Variants in CCND2 observed in about 807,000 individuals in gnomAD.
CCND2 encodes G1/S-specific cyclin-D2.
Under a neutral mutation model 30.2 loss-of-function variants are expected in CCND2, and 6 were observed. The observed-to-expected ratio is 0.20, with a 90% CI of 0.11 to 0.39. CCND2 has a LOEUF of 0.39. Among genes scored for constraint, CCND2 ranks in the 10% least tolerant of loss-of-function variants. The probability of loss-of-function intolerance (pLI) is 1.00; values close to 1 mark genes in which losing one functional copy is unlikely to be tolerated. For missense variants in CCND2, 235 were observed against 373.4 expected (o/e 0.63, Z 3.06); for synonymous variants, 150 against 153.1 (o/e 0.98, Z 0.15).
At position 4,303,486 on chromosome 12, in the gene CCND2, T is replaced by C. The variant is rs1864278391; in HGVS notation, c.*3477T>C. On this transcript the variant is annotated 3_prime_UTR_variant, in exon 5 of 5. Coordinates refer to ENST00000261254, the MANE Select transcript of CCND2 (RefSeq NM_001759.4). This position sits in a 1 kb window ranked among gnomAD's most constrained non-coding sequence, Gnocchi z 4.6. ...ATTATCCTGGTCTTTTTCTACCTTGTTGTGTTTCTATCTCGTCTTTACTTC... is the reference window on the plus strand; with the variant it reads ...ATTATCCTGGTCTTTTTCTACCTTGCTGTGTTTCTATCTCGTCTTTACTTC... The C allele has an allele frequency of 4.3e-6, 1 of 233,716 alleles. No individual in the cohort carries two copies. Among genetic ancestry groups the C allele is most frequent in the Non-Finnish European group, 8.5e-6 (1 of 118,058 alleles). The allele number at this position is 233,716 out of a possible 1,614,324, so 14.5% of individuals were successfully genotyped here.
chr12:4,282,838 G>T lies in CCND2; in HGVS notation c.571+3919G>T, dbSNP rs528540154. Reference sequence around the variant, plus strand: ...AGGGTATGCTGGTCCTCTTATGGGGGTGGCAGATGAGGTGCGTGCCCAGTG... The same window carrying T: ...AGGGTATGCTGGTCCTCTTATGGGGTTGGCAGATGAGGTGCGTGCCCAGTG... On this transcript the variant is annotated intron_variant, in intron 3 of 4. Coordinates refer to ENST00000261254, the MANE Select transcript of CCND2 (RefSeq NM_001759.4). The surrounding 1 kb of genome is among the most constrained non-coding windows in gnomAD (Gnocchi z 4.3). Among the ~76,000 whole-genome samples the T allele has an allele frequency of 6.6e-6, 1 of 152,362 alleles. No homozygotes were observed. The highest frequency in any genetic ancestry group is 1.9e-4 in the East Asian group (1 of 5,190).
chr12:4,291,207 C>CTG lies in CCND2; in HGVS notation c.720+2243_720+2244dup, dbSNP rs1320194012. Among the ~76,000 whole-genome samples, 358 of 138,814 alleles carry CTG rather than the reference C, an allele frequency of 2.6e-3. 3 individuals are homozygous for CTG. Among genetic ancestry groups the CTG allele is most frequent in the African/African-American group, 8.2e-3 (311 of 37,910 alleles). The allele number at this position is 138,814 out of a possible 152,430, so 91.1% of individuals were successfully genotyped here. A position where few individuals can be genotyped will look rare whatever the true frequency, so the allele number is the denominator to read the frequency against. ...AAGGTTCAAGCAGCTCTGGGCTAGG[C>CTG]TGTGTGTGTGTGTGTGTGTGTGTGT... On this transcript the variant is annotated intron_variant, in intron 4 of 4. Transcript: ENST00000261254.
At chr12:4,279,047 T>C (rs935263331) in intron 3 of CCND2, 128 bp downstream of exon 3, 5 of 853,002 alleles carry the variant, frequency 5.9e-6, no homozygotes, top group Non-Finnish European at 8.7e-6. Flanking sequence ...TCTTGAGTAG[T>C]CTAAAGTCTG....
chr12:4,278,287 T>C (rs1774620100), intron 2 of CCND2, among the ~76,000 whole-genome samples: 1 of 152,228 alleles, frequency 6.6e-6, no homozygotes, highest in South Asian at 2.1e-4. Flanking sequence ...CAAGGAACCT[T>C]ATTTTGAGCT....
chr12:4,279,050 A>G (rs1481589286), intron 3 of CCND2, 131 bp downstream of exon 3: 3 of 826,672 alleles, frequency 3.6e-6, no homozygotes, highest in Non-Finnish European at 5.4e-6. Context: ...TGAGTAGTCT[A>G]AAGTCTGAAG....
rs1051734804 is a variant in CCND2, at chr12:4,285,335, C to T, written c.572-3507C>T. On this transcript the variant is annotated intron_variant, in intron 3 of 4. Coordinates refer to ENST00000261254, the MANE Select transcript of CCND2 (RefSeq NM_001759.4). The surrounding 1 kb of genome is among the most constrained non-coding windows in gnomAD (Gnocchi z 4.1). ...TCTCCAGGTGGGCAATTAACGATGG[C>T]GAGGGCACACCCTCACCCCTGAGCG... The T allele has an allele frequency of 8.1e-6, 8 of 984,928 alleles. No homozygotes were observed. Among genetic ancestry groups the T allele is most frequent in the African/African-American group, 5.2e-5 (3 of 57,198 alleles). The allele number at this position is 984,928 out of a possible 1,614,324, so 61.0% of individuals were successfully genotyped here.
rs1229195329 is a variant in CCND2, at chr12:4,300,491, T to C, written c.*482T>C. On this transcript the variant is annotated 3_prime_UTR_variant, in exon 5 of 5. Coordinates refer to ENST00000261254, the MANE Select transcript of CCND2 (RefSeq NM_001759.4). ...GGAATTGAAATAAGGAGGGACATGA[T>C]GGGGAAGGAGTACAAAACAATCTCT... The C allele has an allele frequency of 2.1e-5, 5 of 236,412 alleles. No homozygotes were observed. In the East Asian group the frequency reaches 3.0e-4, roughly 14 times the overall value. The allele number at this position is 236,412 out of a possible 1,614,324, so 14.6% of individuals were successfully genotyped here.
In CCND2 at chr12:4,301,080, G is replaced by A. The variant is rs1169732238; in HGVS notation, c.*1071G>A. The A allele has an allele frequency of 1.3e-5, 3 of 233,344 alleles. No individual in the cohort carries two copies. The highest frequency in any genetic ancestry group is 1.1e-4 in the Admixed American group (2 of 17,752). 14.5% of individuals were successfully genotyped at this position (233,344 alleles called of 1,614,324 possible). On this transcript the variant is annotated 3_prime_UTR_variant, in exon 5 of 5. Transcript: ENST00000261254. ...TTTGCCCCCTCCCTTCCTGCCCCCA[G>A]TCTGGGTTACTCTTCGCTTCTGGTA...
intron 3 of CCND2, among the ~76,000 whole-genome samples, chr12:4,280,538 G>C (rs1019132910): frequency 2.0e-5 from 3 of 152,174 alleles, no homozygotes. Context: ...TAGGACCCCT[G>C]TGGACCCCTG....
chr12:4,280,192 C>T (rs879055851), intron 3 of CCND2, among the ~76,000 whole-genome samples: 1 of 152,268 alleles, frequency 6.6e-6, no homozygotes, highest in Admixed American at 6.5e-5. Context: ...GCTTTGTAAA[C>T]CGAAGTGTAG....
chr12:4,273,832 C>T lies in CCND2; in HGVS notation c.-209C>T. The stretch of plus-strand genomic sequence containing the variant: ...GGAGGACCGGTGCGAGTGAGGCAGC[C>T]CCGAGGCTCTGCTCGCCCACCACCC... On this transcript the variant is annotated 5_prime_UTR_variant, in exon 1 of 5. Transcript: ENST00000261254. The surrounding 1 kb of genome is among the most constrained non-coding windows in gnomAD (Gnocchi z 5.9). 1 of 602,964 alleles carries T rather than the reference C, an allele frequency of 1.7e-6. No homozygotes were observed. Among genetic ancestry groups the T allele is most frequent in the Non-Finnish European group, 2.9e-6 (1 of 340,726 alleles). The allele number at this position is 602,964 out of a possible 1,614,324, so 37.4% of individuals were successfully genotyped here.
chr12:4,288,505 C>G (rs1226944698), intron 3 of CCND2, among the ~76,000 whole-genome samples: 1 of 152,132 alleles, frequency 6.6e-6, no homozygotes, highest in Non-Finnish European at 1.5e-5. Context: ...ACCTTGCTCC[C>G]CCCACCAGGG....
chr12:4,299,823 C>A lies in CCND2; in HGVS notation c.721-37C>A. ...CCGTAGGATGCTCTATGTCCTGTTC[C>A]TCTTACTAACAACTCTGGTCTGGAC... On this transcript the variant is annotated intron_variant, in intron 4 of 4. Coordinates refer to ENST00000261254, the MANE Select transcript of CCND2 (RefSeq NM_001759.4). The surrounding 1 kb of genome is among the most constrained non-coding windows in gnomAD (Gnocchi z 5.2). The A allele has an allele frequency of 1.3e-6, 2 of 1,598,034 alleles. No individual in the cohort carries two copies. The highest frequency in any genetic ancestry group is 1.7e-6 in the Non-Finnish European group (2 of 1,168,438).
chr12:4,284,721 C>CTTTTTTTTTTTTTTTTTTTTTTTTTT (rs545047517), intron 3 of CCND2, among the ~76,000 whole-genome samples: 1 of 144,196 alleles, frequency 6.9e-6, no homozygotes, highest in Non-Finnish European at 1.5e-5. Flanking sequence ...AGCCTCCTTT[C>CTTTTTTTTTTTTTTTTTTTTTTTTTT]TTTTTTTTTT....
At chr12:4,286,099 T>G (rs1864019247) in intron 3 of CCND2, among the ~76,000 whole-genome samples, 1 of 152,242 alleles carries the variant, frequency 6.6e-6, no homozygotes, top group Non-Finnish European at 1.5e-5. Context: ...ACACATTTTA[T>G]AACACAACTC....
At chr12:4,280,069 C>T (rs1337796253) in intron 3 of CCND2, among the ~76,000 whole-genome samples, 1 of 145,722 alleles carries the variant, frequency 6.9e-6, no homozygotes, top group African/African-American at 2.5e-5. Flanking sequence ...TGCTTAACCT[C>T]TCTGAACCCG....
rs1463916366 is a variant in CCND2, at chr12:4,303,168, C to T, written c.*3159C>T. The T allele has an allele frequency of 8.6e-6, 2 of 233,292 alleles. No individual in the cohort carries two copies. The highest frequency in any genetic ancestry group is 1.7e-5 in the Non-Finnish European group (2 of 118,138). The allele number at this position is 233,292 out of a possible 1,614,324, so 14.5% of individuals were successfully genotyped here. A position where few individuals can be genotyped will look rare whatever the true frequency, so the allele number is the denominator to read the frequency against. Reference sequence around the variant, plus strand: ...TTACAGTCTGTAACTTTCCACTCTTCCTGTAGTCCCGAGGCCCCTGGGTCC... The same window carrying T: ...TTACAGTCTGTAACTTTCCACTCTTTCTGTAGTCCCGAGGCCCCTGGGTCC... On this transcript the variant is annotated 3_prime_UTR_variant, in exon 5 of 5. Transcript: ENST00000261254. This position sits in a 1 kb window ranked among gnomAD's most constrained non-coding sequence, Gnocchi z 4.6.
intron 4 of CCND2, among the ~76,000 whole-genome samples, chr12:4,295,018 T>C (rs1864149080): frequency 6.6e-6 from 1 of 152,212 alleles, no homozygotes; most frequent in East Asian, 1.9e-4. Context: ...GCATGTCCAG[T>C]TGCAGGTATC....
rs925656917 is a variant in CCND2 at position 4,274,377 on chromosome 12, C to T, written c.195+142C>T. On this transcript the variant is annotated intron_variant, in intron 1 of 4. Transcript: ENST00000261254. The surrounding 1 kb of genome is among the most constrained non-coding windows in gnomAD (Gnocchi z 7.7). ...CGGGAGTTTACCGCGCGCCTTCTGG[C>T]GAGACGCGTGGCTTTATTTCTGTTC... is the stretch of plus-strand genomic sequence containing the variant. 6.0e-6 allele frequency: 5 copies of T among 827,472 alleles called. No individual in the cohort carries two copies. The Admixed American group carries it at 1.0e-4, about 17-fold the overall frequency. 51.3% of individuals were successfully genotyped at this position (827,472 alleles called of 1,614,324 possible).
Sources: gnomAD v4.1 joint callset for allele counts (sites outside exome capture counted in the v4.1 genomes callset) on GRCh38, gnomAD v4.1.1 for gene constraint, Gnocchi (gnomAD v3.1) non-coding constraint, MANE v1.5 for transcripts, NCBI Gene and HGNC (gene_info 2026-07-23, HGNC 2026-07-21) for gene names.